FOXN3: variants seen among roughly 807,000 people sequenced by gnomAD.
FOXN3 encodes forkhead box protein N3.
FOXN3 carries 7 observed loss-of-function variants against 38.4 expected under a neutral mutation model. That is an observed-to-expected ratio of 0.18 (90% CI 0.10 to 0.34). The LOEUF (loss-of-function observed/expected upper bound fraction) is 0.34. Ranked by LOEUF, FOXN3 falls within the 10% of genes least tolerant of loss-of-function variation. The pLI is 1.00. For synonymous variants in FOXN3, 230 were observed against 242.2 expected, an observed-to-expected ratio of 0.95 and a Z score of 0.47; for missense variants, 456 against 613.4, an observed-to-expected ratio of 0.74 and a Z score of 2.71.
At chr14:89,450,559 G>C (rs1566660384) in intron 1 of FOXN3, among the ~76,000 whole-genome samples, 1 of 150,388 alleles carries the variant, frequency 6.6e-6, no homozygotes, top group Admixed American at 6.6e-5. Flanking sequence ...TTCCAGCTCA[G>C]AAAAAAATAA....
chr14:89,577,972 G>A (rs1043378081), intron 1 of FOXN3, among the ~76,000 whole-genome samples: 6 of 152,160 alleles, frequency 3.9e-5, no homozygotes, highest in African/African-American at 1.4e-4. Context: ...AACTTCCAGT[G>A]GAAAAAGAGA....
At chr14:89,257,924 A>G (rs373417125) in intron 4 of FOXN3, among the ~76,000 whole-genome samples, 3 of 152,194 alleles carry the variant, frequency 2.0e-5, no homozygotes, top group African/African-American at 7.2e-5. Context: ...ATTTCCTCAG[A>G]AGACAATGGT....
chr14:89,350,918 G>T, intron 2 of FOXN3, 110 bp from the exon 3 acceptor site: 1 of 823,812 alleles, frequency 1.2e-6, no homozygotes, highest in Non-Finnish European at 1.7e-6. Context: ...CTTCTCATTT[G>T]TTGACTGTTT....
Position 89,601,765 on chromosome 14 carries a change from T to G in FOXN3, c.-15+17263A>C, listed in dbSNP as rs531870244. ...TGCAAGGTTTTTTGTTTTTGTTTTT[T>G]TTTCCTGCTTCTCCCTTGTTTGTCT... On this transcript the variant is annotated intron_variant, in intron 1 of 6. Coordinates refer to the FOXN3 transcript ENST00000345097. Among the ~76,000 whole-genome samples, 11 of 152,212 alleles carry G rather than the reference T, an allele frequency of 7.2e-5. 1 individual carries two copies. The highest frequency in any genetic ancestry group is 3.9e-4 in the Admixed American group (6 of 15,298).
rs564517229 is a variant in FOXN3 at position 89,204,159 on chromosome 14, G to A, written c.746-23353C>T. On this transcript the variant is annotated intron_variant, in intron 4 of 5. Transcript: ENST00000557258. Reference sequence around the variant, plus strand: ...CTCTCTCTTTCTCCCTTAGAAACCCGAGCTTCAGGCACAAAGAGGAACCAA... The same window carrying A: ...CTCTCTCTTTCTCCCTTAGAAACCCAAGCTTCAGGCACAAAGAGGAACCAA... Among the ~76,000 whole-genome samples the A allele has an allele frequency of 1.3e-4, 20 of 151,482 alleles. No individual in the cohort carries two copies. The South Asian group carries it at 1.7e-3, about 13-fold the overall frequency.
chr14:89,243,006 G>A (rs1373773898), intron 4 of FOXN3, among the ~76,000 whole-genome samples: 3 of 152,046 alleles, frequency 2.0e-5, no homozygotes, highest in Non-Finnish European at 4.4e-5. Flanking sequence ...TTTCTTCCCC[G>A]AGTCCTGCCC....
At chr14:89,275,665 T>G (rs1279362436) in intron 4 of FOXN3, among the ~76,000 whole-genome samples, 1 of 152,146 alleles carries the variant, frequency 6.6e-6, no homozygotes, top group Non-Finnish European at 1.5e-5. Context: ...GTAAGAGTTG[T>G]GGAGAAGGGG....
chr14:89,410,344 G>A (rs532073884), intron 2 of FOXN3, among the ~76,000 whole-genome samples: 93 of 152,232 alleles, frequency 6.1e-4, no homozygotes, highest in African/African-American at 2.2e-3. Context: ...TCCTGCGCCC[G>A]AACCTGAACT....
At chr14:89,271,438 ATAATT>A (rs1338221472) in intron 4 of FOXN3, among the ~76,000 whole-genome samples, 1 of 152,266 alleles carries the variant, frequency 6.6e-6, no homozygotes, top group Non-Finnish European at 1.5e-5. Context: ...TCTAACTGAT[ATAATT>A]TAATAGACTA....
Position 89,463,167 on chromosome 14 carries a change from T to C in FOXN3, c.-14-50677A>G, listed in dbSNP as rs143718382. Among the ~76,000 whole-genome samples, 961 of 151,526 alleles carry C rather than the reference T, an allele frequency of 6.3e-3. 14 individuals carry two copies. Among genetic ancestry groups the C allele is most frequent in the African/African-American group, 0.023 (931 of 41,324 alleles). On this transcript the variant is annotated intron_variant, in intron 1 of 6. Transcript: ENST00000345097. ...AGCCGGGCGTGGTGGCAGGCGCCTGTAGTCCCAGCTACTCAGGAGGCTGTG... is the reference window on the plus strand; with the variant it reads ...AGCCGGGCGTGGTGGCAGGCGCCTGCAGTCCCAGCTACTCAGGAGGCTGTG...
intron 1 of FOXN3, among the ~76,000 whole-genome samples, chr14:89,594,049 T>A (rs1194943702): frequency 6.6e-6 from 1 of 152,250 alleles, no homozygotes; most frequent in Non-Finnish European, 1.5e-5. Flanking sequence ...GTATGTCACT[T>A]TTCACATATA....
At chr14:89,577,612 A>G (rs983762775) in intron 1 of FOXN3, 2 of 152,184 alleles carry the variant, frequency 1.3e-5, no homozygotes, top group Non-Finnish European at 2.9e-5. Context: ...AGGGAGGGAA[A>G]GAGAAAACGG....
intron 4 of FOXN3, among the ~76,000 whole-genome samples, chr14:89,240,280 A>G (rs1269024518): frequency 1.1e-5 from 1 of 92,036 alleles, no homozygotes; most frequent in Non-Finnish European, 2.4e-5. Flanking sequence ...ATTCAATAGG[A>G]AAAAAAAAAA....
At position 89,396,950 on chromosome 14, in the gene FOXN3, G is replaced by A. The variant is rs561550079; in HGVS notation, c.543+14984C>T. Among the ~76,000 whole-genome samples the A allele has an allele frequency of 5.3e-5, 8 of 150,792 alleles. No individual in the cohort carries two copies. In the South Asian group the frequency reaches 1.0e-3, roughly 20 times the overall value. On this transcript the variant is annotated intron_variant, in intron 2 of 5. Transcript: ENST00000557258. ...TCAGTTAAAGCTATGGAAAATCAGC[G>A]ACTGCTGTGGCCTTTTTCTCCATAA...
At chr14:89,426,512 C>A (rs1321526345) in intron 1 of FOXN3, among the ~76,000 whole-genome samples, 15 of 152,008 alleles carry the variant, frequency 9.9e-5, no homozygotes, top group Admixed American at 9.8e-4. Flanking sequence ...CCTGAGCCAC[C>A]ATGCCCGGGC....
At chr14:89,195,425 T>C (rs1004984978) in intron 4 of FOXN3, among the ~76,000 whole-genome samples, 1 of 152,254 alleles carries the variant, frequency 6.6e-6, no homozygotes, top group African/African-American at 2.4e-5. Flanking sequence ...CCTCTTTAGA[T>C]AGCAGAGGAA....
chr14:89,511,259 CTTTCTTT>C (rs1894081244), intron 1 of FOXN3, among the ~76,000 whole-genome samples: 2 of 31,860 alleles, frequency 6.3e-5, no homozygotes, highest in African/African-American at 2.0e-4. Flanking sequence ...TTCTTTCTTT[CTTTCTTT>C]CTTTCTTTCT....
chr14:89,498,513 G>A (rs548634300), intron 1 of FOXN3, among the ~76,000 whole-genome samples: 24 of 152,100 alleles, frequency 1.6e-4, no homozygotes, highest in East Asian at 1.2e-3. Context: ...GAGCCACCGC[G>A]CCCAGCCCTC....
intron 2 of FOXN3, among the ~76,000 whole-genome samples, chr14:89,374,844 G>A (rs887279186): frequency 6.6e-6 from 1 of 152,084 alleles, no homozygotes; most frequent in African/African-American, 2.4e-5. Context: ...AGGTGTGGTG[G>A]CGCACGCCTG....
Sources: gnomAD v4.1 joint callset for allele counts (sites outside exome capture counted in the v4.1 genomes callset) on GRCh38, gnomAD v4.1.1 for gene constraint, MANE v1.5 for transcripts, NCBI Gene and HGNC (gene_info 2026-07-23, HGNC 2026-07-21) for gene names.